WDR7: variants seen among roughly 807,000 people sequenced by gnomAD.
The protein encoded by WDR7 is WD repeat-containing protein 7.
In WDR7, 46 loss-of-function variants were observed where a neutral mutation model predicts 169.4. The ratio of observed to expected loss-of-function variants is 0.27; its 90% CI spans 0.21 to 0.35. The LOEUF is 0.35. WDR7 is among the 10% of genes least tolerant of loss of function. WDR7 has a pLI of 1.00. For synonymous variants in WDR7, 612 were observed against 666.8 expected (o/e 0.92, Z 1.27); for missense variants, 1,534 against 1,859.3 (o/e 0.83, Z 3.22).
chr18:56,951,382 A>G (rs984202960), intron 25 of WDR7, among the ~76,000 whole-genome samples: 1 of 151,990 alleles, frequency 6.6e-6, no homozygotes, highest in African/African-American at 2.4e-5. Context: ...ACACTCCCGT[A>G]CCTCTTCCTC....
intron 19 of WDR7, among the ~76,000 whole-genome samples, chr18:56,786,120 CTTTAA>C (rs1233372422): frequency 2.0e-5 from 3 of 152,148 alleles, no homozygotes; most frequent in African/African-American, 7.2e-5. Context: ...TCAGAATTCA[CTTTAA>C]TTTATATTGC....
chr18:57,004,662 A>G (rs1304618770), intron 26 of WDR7, among the ~76,000 whole-genome samples: 2 of 152,230 alleles, frequency 1.3e-5, no homozygotes, highest in African/African-American at 4.8e-5. Context: ...CATACGGAAT[A>G]GCCAGGAGTG....
At chr18:56,915,003 CTG>C (rs1220743919) in intron 21 of WDR7, among the ~76,000 whole-genome samples, 12 of 152,122 alleles carry the variant, frequency 7.9e-5, no homozygotes, top group African/African-American at 2.9e-4. Flanking sequence ...ACTTTGAAGA[CTG>C]TTTTGATTAA....
intron 16 of WDR7, among the ~76,000 whole-genome samples, chr18:56,765,460 A>G (rs1249118193): frequency 2.0e-5 from 3 of 151,988 alleles, no homozygotes; most frequent in African/African-American, 4.8e-5. Flanking sequence ...ATCACAGTGT[A>G]CATTCAAGTG....
chr18:56,702,611 T>C (rs894546129), intron 12 of WDR7, among the ~76,000 whole-genome samples: 1 of 152,232 alleles, frequency 6.6e-6, no homozygotes, highest in Non-Finnish European at 1.5e-5. Context: ...GATTTAGAAG[T>C]ACAGTTTGTG....
intron 14 of WDR7, among the ~76,000 whole-genome samples, chr18:56,740,026 CAT>C (rs370563413): frequency 8.5e-5 from 13 of 152,048 alleles, no homozygotes; most frequent in African/African-American, 3.1e-4. Context: ...ACTCCAATAA[CAT>C]GTAAATTAGA....
intron 19 of WDR7, among the ~76,000 whole-genome samples, chr18:56,792,736 CCTT>C (rs747739434): frequency 1.6e-4 from 24 of 149,420 alleles, no homozygotes; most frequent in Non-Finnish European, 3.1e-4. Flanking sequence ...TCCCTAAAAA[CCTT>C]CTTGCTTTAA....
intron 20 of WDR7, among the ~76,000 whole-genome samples, chr18:56,877,524 T>C (rs1243583920): frequency 2.0e-5 from 3 of 152,218 alleles, no homozygotes; most frequent in African/African-American, 7.2e-5. Flanking sequence ...GCTCGTATTA[T>C]GTTGATACTA....
At chr18:56,753,996 G>A (rs2043834026) in intron 14 of WDR7, among the ~76,000 whole-genome samples, 1 of 151,866 alleles carries the variant, frequency 6.6e-6, no homozygotes, top group African/African-American at 2.4e-5. Flanking sequence ...ATGATTATAT[G>A]TAATCTAAGA....
At chr18:56,893,088 G>A (rs1411036575) in intron 21 of WDR7, among the ~76,000 whole-genome samples, 1 of 151,882 alleles carries the variant, frequency 6.6e-6, no homozygotes, top group Non-Finnish European at 1.5e-5. Context: ...AGTATATACT[G>A]GTTACTTTGA....
At chr18:56,975,109 G>A (rs2047547018) in intron 26 of WDR7, among the ~76,000 whole-genome samples, 1 of 152,046 alleles carries the variant, frequency 6.6e-6, no homozygotes, top group African/African-American at 2.4e-5. Context: ...GTGGTGGCGG[G>A]CGTCTAATCC....
intron 20 of WDR7, among the ~76,000 whole-genome samples, chr18:56,859,835 G>A (rs2045777362): frequency 6.6e-6 from 1 of 152,098 alleles, no homozygotes; most frequent in African/African-American, 2.4e-5. Context: ...GTGTTATCCC[G>A]GGTAGTCCGG....
At chr18:56,950,431 A>G (rs2047165548) in intron 25 of WDR7, among the ~76,000 whole-genome samples, 1 of 152,202 alleles carries the variant, frequency 6.6e-6, no homozygotes, top group African/African-American at 2.4e-5. Flanking sequence ...TGCAAAGTCA[A>G]CACGATGAAA....
intron 16 of WDR7, 48 bp downstream of exon 16, chr18:56,759,001 A>C (rs779125982): frequency 4.7e-6 from 7 of 1,487,854 alleles, no homozygotes; most frequent in Non-Finnish European, 6.5e-6. Context: ...TCAGCTCTAG[A>C]AACTGAGGAG....
Position 56,861,821 on chromosome 18 carries a change from T to C in WDR7, c.3305-18123T>C, listed in dbSNP as rs919546717. 2.0e-5 allele frequency among the ~76,000 whole-genome samples: 3 copies of C among 152,180 alleles called. No individual in the cohort carries two copies. The South Asian group carries it at 6.2e-4, about 31-fold the overall frequency. On this transcript the variant is annotated intron_variant, in intron 20 of 27. Transcript: ENST00000254442. Reference sequence around the variant, plus strand: ...CTATGAAAATTAAATCTCATGATTTTGAACACTTAATTAGGTTAAGGAATG... The same window carrying C: ...CTATGAAAATTAAATCTCATGATTTCGAACACTTAATTAGGTTAAGGAATG...
chr18:56,714,700 C>T (rs2026154816), intron 12 of WDR7, among the ~76,000 whole-genome samples: 1 of 152,018 alleles, frequency 6.6e-6, no homozygotes. Flanking sequence ...AGGTGTGAGC[C>T]ACTGTGCCCG....
At chr18:56,758,323 G>A (rs2043930014) in intron 15 of WDR7, among the ~76,000 whole-genome samples, 2 of 152,236 alleles carry the variant, frequency 1.3e-5, no homozygotes, top group South Asian at 4.2e-4. Context: ...ACCCTATGAG[G>A]TATGTACTTT....
At chr18:56,836,854 C>CT (rs1419564796) in intron 20 of WDR7, among the ~76,000 whole-genome samples, 1 of 152,056 alleles carries the variant, frequency 6.6e-6, no homozygotes, top group African/African-American at 2.4e-5. Flanking sequence ...TCAGTAATAC[C>CT]TTTTTGTCAT....
At chr18:56,978,853 C>T (rs548896222) in intron 26 of WDR7, among the ~76,000 whole-genome samples, 1 of 152,244 alleles carries the variant, frequency 6.6e-6, no homozygotes, top group East Asian at 1.9e-4. Flanking sequence ...AATTCTAAGG[C>T]AGGCTGGATT....
Sources: gnomAD v4.1 joint callset for allele counts (sites outside exome capture counted in the v4.1 genomes callset) on GRCh38, gnomAD v4.1.1 for gene constraint, MANE v1.5 for transcripts, NCBI Gene and HGNC (gene_info 2026-07-23, HGNC 2026-07-21) for gene names.